Variants in RASAL2 observed in about 807,000 individuals in gnomAD.
RASAL2 encodes ras GTPase-activating protein nGAP.
RASAL2 carries 58 observed loss-of-function variants against 128.9 expected under a neutral mutation model. The ratio of observed to expected loss-of-function variants is 0.45; its 90% confidence interval spans 0.36 to 0.56. The LOEUF (loss-of-function observed/expected upper bound fraction) is 0.56. Among genes scored for constraint, RASAL2 ranks in the 20% least tolerant of loss-of-function variants. The probability of loss-of-function intolerance (pLI) is 0.00; values close to 1 mark genes in which losing one functional copy is unlikely to be tolerated. For synonymous variants in RASAL2, 561 were observed against 580.8 expected, an observed-to-expected ratio of 0.97 and a Z score of 0.49; for missense variants, 1,360 against 1,601.6, an observed-to-expected ratio of 0.85 and a Z score of 2.57.
At chr1:178,192,595 A>G (rs1662529827) in intron 1 of RASAL2, among the ~76,000 whole-genome samples, 1 of 152,198 alleles carries the variant, frequency 6.6e-6, no homozygotes, top group African/African-American at 2.4e-5. Flanking sequence ...ACACACACAC[A>G]TACATGTGAT....
At chr1:178,225,537 A>AATGTAGTATAT (rs1329467585) in intron 1 of RASAL2, among the ~76,000 whole-genome samples, 1 of 151,954 alleles carries the variant, frequency 6.6e-6, no homozygotes, top group Non-Finnish European at 1.5e-5. Context: ...CACTGTTATG[A>AATGTAGTATAT]ATGTAGTATA....
At chr1:178,221,002 T>C (rs955882211) in intron 1 of RASAL2, among the ~76,000 whole-genome samples, 5 of 152,238 alleles carry the variant, frequency 3.3e-5, no homozygotes, top group Non-Finnish European at 7.3e-5. Flanking sequence ...TGCCAAATCG[T>C]CTTTTAAAGT....
chr1:178,365,061 C>CTT (rs59259360), intron 3 of RASAL2, among the ~76,000 whole-genome samples: 16 of 148,430 alleles, frequency 1.1e-4, no homozygotes, highest in African/African-American at 2.9e-4. Context: ...GACTACCTTG[C>CTT]TTTTTTTTTT....
At position 178,437,030 on chromosome 1, in the gene RASAL2, C is replaced by T. The variant is rs539537086; in HGVS notation, c.675-2392C>T. ...AACTTTGCCATGTTTGCAGAGCATG[C>T]CCCTTGCGTTATTCAAGCCATAGCT... On this transcript the variant is annotated intron_variant, in intron 5 of 17. Transcript: ENST00000367649. 3.9e-5 allele frequency among the ~76,000 whole-genome samples: 6 copies of T among 152,228 alleles called. No individual in the cohort carries two copies. In the South Asian group the frequency reaches 1.0e-3, roughly 26 times the overall value.
intron 1 of RASAL2, among the ~76,000 whole-genome samples, chr1:178,260,152 A>C (rs1363871798): frequency 1.3e-5 from 2 of 150,172 alleles, no homozygotes; most frequent in Non-Finnish European, 3.0e-5. Context: ...GGAGTTCAAG[A>C]CCAGCCTGGC....
chr1:178,232,186 C>T (rs1465814138), intron 1 of RASAL2, among the ~76,000 whole-genome samples: 2 of 152,058 alleles, frequency 1.3e-5, no homozygotes, highest in African/African-American at 4.8e-5. Context: ...TGAGGCTTTC[C>T]ATTTGAAACC....
intron 3 of RASAL2, among the ~76,000 whole-genome samples, chr1:178,355,251 A>G (rs909037930): frequency 6.6e-6 from 1 of 152,236 alleles, no homozygotes; most frequent in African/African-American, 2.4e-5. Context: ...ATAAAACTAT[A>G]TTAATTGAGA....
At chr1:178,108,918 A>G (rs1659196391) in intron 1 of RASAL2, among the ~76,000 whole-genome samples, 3 of 152,226 alleles carry the variant, frequency 2.0e-5, no homozygotes, top group Admixed American at 1.3e-4. Flanking sequence ...TTGTATTTAA[A>G]AAAGGTTAAA....
At chr1:178,414,483 A>G (rs1164632861) in intron 4 of RASAL2, among the ~76,000 whole-genome samples, 2 of 152,224 alleles carry the variant, frequency 1.3e-5, no homozygotes, top group African/African-American at 4.8e-5. Flanking sequence ...ATGTCAATGT[A>G]GATTCGTCAG....
chr1:178,311,307 A>G (rs1668239378), intron 3 of RASAL2, among the ~76,000 whole-genome samples: 1 of 142,556 alleles, frequency 7.0e-6, no homozygotes, highest in Non-Finnish European at 1.6e-5. Flanking sequence ...TGAAAAGCAA[A>G]TAGAGTGTGG....
At chr1:178,338,559 T>C (rs1669708552) in intron 3 of RASAL2, among the ~76,000 whole-genome samples, 2 of 152,200 alleles carry the variant, frequency 1.3e-5, no homozygotes, top group Admixed American at 1.3e-4. Context: ...ATTCAGCAAG[T>C]ATACTATTTG....
At chr1:178,455,421 A>G (rs1677701065) in intron 12 of RASAL2, among the ~76,000 whole-genome samples, 1 of 152,220 alleles carries the variant, frequency 6.6e-6, no homozygotes, top group African/African-American at 2.4e-5. Context: ...TCATTTTTCT[A>G]TGATAATGAT....
chr1:178,418,013 T>C (rs1674884281), intron 4 of RASAL2, among the ~76,000 whole-genome samples: 1 of 152,026 alleles, frequency 6.6e-6, no homozygotes, highest in African/African-American at 2.4e-5. Flanking sequence ...TCTGATTGAG[T>C]CATAGAAAAT....
At chr1:178,144,144 C>T (rs766906402) in intron 1 of RASAL2, among the ~76,000 whole-genome samples, 9 of 152,260 alleles carry the variant, frequency 5.9e-5, no homozygotes, top group Admixed American at 2.6e-4. Context: ...CCATGAACTC[C>T]ATGTTGCTGA....
chr1:178,243,555 C>T (rs923383693), intron 1 of RASAL2, among the ~76,000 whole-genome samples: 6 of 151,468 alleles, frequency 4.0e-5, no homozygotes, highest in East Asian at 3.9e-4. Context: ...CTGTTGGCCT[C>T]CCCATCATTA....
At chr1:178,403,873 AAAAATT>A (rs2102669467) in intron 4 of RASAL2, among the ~76,000 whole-genome samples, 1 of 152,314 alleles carries the variant, frequency 6.6e-6, no homozygotes, top group African/African-American at 2.4e-5. Flanking sequence ...AAAAAAATAA[AAAAATT>A]AAAGTTAAAA....
At chr1:178,100,721 AG>A (rs1244190528) in intron 1 of RASAL2, among the ~76,000 whole-genome samples, 1 of 152,168 alleles carries the variant, frequency 6.6e-6, no homozygotes, top group African/African-American at 2.4e-5. Context: ...GTTGAAATAG[AG>A]GGTTTATGTA....
chr1:178,275,737 C>A (rs1490249217), intron 1 of RASAL2, among the ~76,000 whole-genome samples: 4 of 152,170 alleles, frequency 2.6e-5, no homozygotes, highest in Non-Finnish European at 5.9e-5. Flanking sequence ...CAGAACTCTG[C>A]AAATGTTAGA....
At chr1:178,393,008 A>G (rs964907437) in intron 4 of RASAL2, among the ~76,000 whole-genome samples, 1 of 152,208 alleles carries the variant, frequency 6.6e-6, no homozygotes, top group Non-Finnish European at 1.5e-5. Flanking sequence ...GAGGAAATTT[A>G]TATGGCTACT....
Sources: allele counts gnomAD v4.1 joint callset (sites outside exome capture counted in the v4.1 genomes callset), GRCh38; gene constraint gnomAD v4.1.1; transcripts MANE v1.5; gene names NCBI Gene and HGNC (gene_info 2026-07-23, HGNC 2026-07-21).